Variants in NTRK1 observed in about 807,000 individuals in gnomAD.
The protein encoded by NTRK1 is neurotrophic receptor tyrosine kinase 1, also known as high affinity nerve growth factor receptor.
NTRK1 carries 62 observed loss-of-function variants against 86.8 expected under a neutral mutation model. That is an observed-to-expected ratio of 0.71 (90% CI 0.58 to 0.88). The LOEUF is 0.88. Ranked by LOEUF, NTRK1 falls within the 40% of genes least tolerant of loss-of-function variation. NTRK1 has a pLI of 0.00. For missense variants in NTRK1, 967 were observed against 1,078.4 expected (o/e 0.90, Z 1.45); for synonymous variants, 469 against 456.6 (o/e 1.03, Z -0.35).
Position 156,881,811 on chromosome 1 carries a change from G to C in NTRK1, c.*169G>C, listed in dbSNP as rs562535135. 1.1e-5 allele frequency: 7 copies of C among 627,370 alleles called. No individual in the cohort carries two copies. Among genetic ancestry groups the C allele is most frequent in the African/African-American group, 1.9e-5 (1 of 53,338 alleles). The allele number at this position is 627,370 out of a possible 1,614,324, so 38.9% of individuals were successfully genotyped here. ...AGTAGAGGATGTTCCTGCTTCTCTAGGCAAGGTCCCGTCATAGCAATTATA... is the reference window on the plus strand; with the variant it reads ...AGTAGAGGATGTTCCTGCTTCTCTACGCAAGGTCCCGTCATAGCAATTATA... On this transcript the variant is annotated 3_prime_UTR_variant, in exon 17 of 17. Transcript: ENST00000524377.
intron 2 of NTRK1, chr1:156,849,607 C>A: frequency 1.6e-6 from 1 of 634,586 alleles, no homozygotes; most frequent in Admixed American, 2.4e-5. Flanking sequence ...ACACCGGGGG[C>A]ATTCGTGCAT....
intron 1 of NTRK1, chr1:156,841,209 T>C: frequency 9.7e-7 from 1 of 1,031,708 alleles, no homozygotes; most frequent in Non-Finnish European, 1.5e-6. Context: ...CGTGGGCCAT[T>C]ATGCCTGGGA....
At chr1:156,867,671 CTTTT>C (rs71644586) in intron 4 of NTRK1, among the ~76,000 whole-genome samples, 1 of 141,050 alleles carries the variant, frequency 7.1e-6, no homozygotes, top group South Asian at 2.2e-4. Flanking sequence ...CTTTTCTTTT[CTTTT>C]TTTTTTTTTA....
chr1:156,845,093 G>C, intron 2 of NTRK1: 1 of 1,608,316 alleles, frequency 6.2e-7, no homozygotes, highest in African/African-American at 1.3e-5. Flanking sequence ...CATGGTGCGC[G>C]CAAAGACGAA....
chr1:156,827,052 A>G (rs6427332), intron 1 of NTRK1, among the ~76,000 whole-genome samples: 123,885 of 152,096 alleles, frequency 0.81, 50,661 homozygotes, highest in African/African-American at 0.89. Context: ...TCTGGGGGAA[A>G]AGAAATAATC....
chr1:156,875,946 G>T, intron 12 of NTRK1, 134 bp from the exon 13 acceptor site: 2 of 1,390,204 alleles, frequency 1.4e-6, no homozygotes, highest in Admixed American at 1.7e-5. Flanking sequence ...AGGGGTGCAG[G>T]TTGAATTTTA....
In NTRK1 at chr1:156,845,788, C is replaced by G. The variant is rs759296297; in HGVS notation, c.50+3595C>G. 8 of 1,612,942 alleles carry G rather than the reference C, an allele frequency of 5.0e-6. No individual in the cohort carries two copies. In the East Asian group the frequency reaches 1.8e-4, roughly 36 times the overall value. ...CCGTCTTCGCCGTCGAAGCGCGGAT[C>G]GTTGTTGCTGGTGGGCAGCCGCAAG... On this transcript the variant is annotated intron_variant, in intron 2 of 16. Coordinates refer to the NTRK1 transcript ENST00000392302.
chr1:156,867,895 G>T (rs563946983), intron 4 of NTRK1, among the ~76,000 whole-genome samples: 1 of 149,150 alleles, frequency 6.7e-6, no homozygotes, highest in African/African-American at 2.5e-5. Flanking sequence ...GGATGGTCTC[G>T]ATCTTCTGAC....
Position 156,868,627 on chromosome 1 carries a change from GAGC to G in NTRK1, c.700_702del (p.Gln234del). ...GGCCGGCTGGATCCTCACAGAGCTG[GAGC>G]AGTCAGCCACGGTGATGGTGAGAAG... On this transcript the variant is annotated inframe_deletion, in exon 6 of 17. Transcript: ENST00000524377. 3.9e-6 allele frequency: 6 copies of G among 1,551,020 alleles called. No individual in the cohort carries two copies. The highest frequency in any genetic ancestry group is 5.2e-6 in the Non-Finnish European group (6 of 1,147,034).
intron 1 of NTRK1, among the ~76,000 whole-genome samples, chr1:156,833,328 G>A (rs966527350): frequency 1.3e-5 from 2 of 152,106 alleles, no homozygotes; most frequent in Non-Finnish European, 2.9e-5. Context: ...AGGCCGAGGC[G>A]GGCAGATCAC....
At position 156,852,135 on chromosome 1, in the gene NTRK1, C is replaced by T. The variant is rs140347940; in HGVS notation, c.50+9942C>T. ...GGCTGGCTGCAGCCCCCCAGGCATT[C>T]GGTGTGGCAGCACTCGCCCCTCGCT... is the stretch of plus-strand genomic sequence containing the variant. On this transcript the variant is annotated intron_variant, in intron 2 of 16. Transcript: ENST00000392302. 1.5e-4 allele frequency: 241 copies of T among 1,612,952 alleles called. 1 individual carries two copies. The highest frequency in any genetic ancestry group is 1.8e-4 in the Non-Finnish European group (215 of 1,179,674).
At chr1:156,833,366 G>T (rs1302572491) in intron 1 of NTRK1, among the ~76,000 whole-genome samples, 1 of 152,202 alleles carries the variant, frequency 6.6e-6, no homozygotes, top group Non-Finnish European at 1.5e-5. Flanking sequence ...AGACCAGTCT[G>T]TCCAACATGG....
rs1571685698 is a variant in NTRK1 at position 156,864,784 on chromosome 1, C to T, written c.344C>T (p.Pro115Leu). 6.2e-7 allele frequency: 1 copy of T among 1,613,852 alleles called. No homozygotes were observed. Among genetic ancestry groups the T allele is most frequent in the Admixed American group, 1.7e-5 (1 of 59,990 alleles). ...GCGCCAGATGCCTTCCATTTCACTC[C>T]TCGGCTCAGTCGCCTGTGAGTGTGG... Reference protein sequence around the residue: ...FVAPDAFHFTPRLSRLNLSFN... With the variant: ...FVAPDAFHFTLRLSRLNLSFN... Residue 115 changes from proline (P) to leucine (L), a missense_variant, in exon 3 of 17, where the codon CCT (proline) becomes CTT (leucine). Pro to Leu is a moderately conservative substitution (Grantham distance 98). Around this residue, in one of 2 missense-constraint regions of NTRK1, gnomAD observed 330 missense variants for 302.0 expected, o/e 1.09. Transcript: ENST00000524377.
At chr1:156,831,578 T>A (rs1654467464) in intron 1 of NTRK1, among the ~76,000 whole-genome samples, 1 of 152,012 alleles carries the variant, frequency 6.6e-6, no homozygotes, top group African/African-American at 2.4e-5. Context: ...GCAGAGATAG[T>A]GCTTGGCTAC....
At chr1:156,859,498 C>T (rs1655531836), upstream of NTRK1, among the ~76,000 whole-genome samples, 1 of 152,170 alleles carries the variant, frequency 6.6e-6, no homozygotes, top group African/African-American at 2.4e-5. The surrounding 1 kb of genome is among the most constrained non-coding windows in gnomAD (Gnocchi z 6.2). Context: ...GCAGCCTCGA[C>T]CCGGGAGAAC....
intron 15 of NTRK1, 51 bp downstream of exon 15, chr1:156,879,413 C>T (rs1307047733): frequency 3.2e-6 from 5 of 1,562,566 alleles, no homozygotes; most frequent in Non-Finnish European, 3.5e-6. Context: ...ACTGTAGACA[C>T]CCTGGATCCC....
At chr1:156,850,852 TG>T (rs1279942087) in intron 2 of NTRK1, among the ~76,000 whole-genome samples, 2 of 152,166 alleles carry the variant, frequency 1.3e-5, no homozygotes, top group African/African-American at 4.8e-5. Context: ...CCACCGTGCC[TG>T]GCTCATTCTT....
rs1328269086 is a variant in NTRK1 at position 156,816,848 on chromosome 1, T to C, written c.-64+1010T>C. ...GTCGCCTTACCCACAGCCTTAGTTC[T>C]GGCGAGGACTCACGTCATGGAAAGC... On this transcript the variant is annotated intron_variant, in intron 1 of 16. Transcript: ENST00000392302. The C allele has an allele frequency of 1.3e-5, 9 of 703,276 alleles. No homozygotes were observed. The East Asian group carries it at 2.3e-4, about 18-fold the overall frequency. The allele number at this position is 703,276 out of a possible 1,614,324, so 43.6% of individuals were successfully genotyped here.
intron 1 of NTRK1, chr1:156,841,122 C>T: frequency 6.5e-7 from 1 of 1,546,914 alleles, no homozygotes; most frequent in Non-Finnish European, 8.8e-7. Context: ...GTGTGGGGAG[C>T]AGGGTCAGAG....
Sources: allele counts gnomAD v4.1 joint callset (sites outside exome capture counted in the v4.1 genomes callset), GRCh38; gene constraint gnomAD v4.1.1; regional missense constraint gnomAD v4.1.1; non-coding constraint Gnocchi (gnomAD v3.1); transcripts MANE v1.5; gene names NCBI Gene and HGNC (gene_info 2026-07-23, HGNC 2026-07-21).